Variants in ENTREP3 observed in about 807,000 individuals in gnomAD.
ENTREP3 encodes endosomal transmembrane epsin interactor 3.
chr1:155,251,549 A>G, the ENTREP3 span: 1 of 1,613,978 alleles, frequency 6.2e-7, no homozygotes, highest in South Asian at 1.1e-5. Context: ...GAAGGGGGGC[A>G]ATCGGTAGGG....
chr1:155,250,338 G>A, the ENTREP3 span: 17 of 1,547,472 alleles, frequency 1.1e-5, no homozygotes, highest in East Asian at 4.2e-4. The surrounding 1 kb of genome is among the most constrained non-coding windows in gnomAD (Gnocchi z 5.4). Context: ...CAGCGGTGGT[G>A]GGGATGCCGG....
the ENTREP3 span, chr1:155,251,218 T>G: frequency 7.2e-7 from 1 of 1,389,988 alleles, no homozygotes; most frequent in South Asian, 1.3e-5. Context: ...CACCCCCATG[T>G]GCTAGACAGA....
chr1:155,251,030 C>T, the ENTREP3 span: 1 of 1,490,120 alleles, frequency 6.7e-7, no homozygotes, highest in Admixed American at 1.8e-5. Flanking sequence ...CTTCTATTGT[C>T]TCTACCCACC....
chr1:155,249,155 T>C, the ENTREP3 span, among the ~76,000 whole-genome samples: 4 of 152,130 alleles, frequency 2.6e-5, no homozygotes, highest in Non-Finnish European at 5.9e-5. Flanking sequence ...TGGCATGATC[T>C]TGGCTCACGG....
chr1:155,254,616 G>A, the ENTREP3 span: 15 of 1,588,202 alleles, frequency 9.4e-6, no homozygotes, highest in Non-Finnish European at 1.2e-5. This position sits in a 1 kb window ranked among gnomAD's most constrained non-coding sequence, Gnocchi z 4.4. Context: ...GGGGCCCGAG[G>A]AGCCTCCCCC....
chr1:155,251,633 G>T, the ENTREP3 span: 152 of 1,606,486 alleles, frequency 9.5e-5, 1 homozygote, highest in African/African-American at 1.9e-3. Context: ...CAATGTAGGA[G>T]AAATAATTCC....
At chr1:155,254,248 G>A in the ENTREP3 span, 4 of 1,508,988 alleles carry the variant, frequency 2.7e-6, no homozygotes, top group South Asian at 4.5e-5. The surrounding 1 kb of genome is among the most constrained non-coding windows in gnomAD (Gnocchi z 4.4). Flanking sequence ...GTACTCCTCT[G>A]CCACGGACAG....
At chr1:155,251,212 C>A in the ENTREP3 span, 1 of 1,431,358 alleles carries the variant, frequency 7.0e-7, no homozygotes, top group East Asian at 2.4e-5. Flanking sequence ...ACTGAACACC[C>A]CCATGTGCTA....
chr1:155,252,824 C>CCT, the ENTREP3 span: 1 of 142,196 alleles, frequency 7.0e-6, no homozygotes, highest in African/African-American at 2.7e-5. Context: ...CTCTGTCTCC[C>CCT]CGGTTCAAGC....
chr1:155,252,363 A>AATT, the ENTREP3 span, among the ~76,000 whole-genome samples: 49 of 151,012 alleles, frequency 3.2e-4, no homozygotes, highest in African/African-American at 8.8e-4. Flanking sequence ...ATGCCCAGCT[A>AATT]ATTATTATTA....
chr1:155,254,458 T>A, the ENTREP3 span: 2 of 1,614,138 alleles, frequency 1.2e-6, no homozygotes, highest in Non-Finnish European at 1.7e-6. The surrounding 1 kb of genome is among the most constrained non-coding windows in gnomAD (Gnocchi z 4.4). Context: ...GAACGCCAGC[T>A]GGGGACAGAG....
chr1:155,254,037 C>T, the ENTREP3 span: 2 of 1,613,850 alleles, frequency 1.2e-6, no homozygotes, highest in Non-Finnish European at 1.7e-6. This position sits in a 1 kb window ranked among gnomAD's most constrained non-coding sequence, Gnocchi z 4.4. Flanking sequence ...GTGTCCTGCA[C>T]ACCTCCCCCA....
At chr1:155,250,934 A>G in the ENTREP3 span, 1 of 1,275,840 alleles carries the variant, frequency 7.8e-7, no homozygotes, top group Admixed American at 2.5e-5. The surrounding 1 kb of genome is among the most constrained non-coding windows in gnomAD (Gnocchi z 5.4). Flanking sequence ...CTCCAGCTTT[A>G]TCTCAGAGGA....
the ENTREP3 span, chr1:155,250,531 C>A: frequency 1.3e-6 from 2 of 1,537,876 alleles, no homozygotes; most frequent in Non-Finnish European, 1.7e-6. The surrounding 1 kb of genome is among the most constrained non-coding windows in gnomAD (Gnocchi z 5.4). Context: ...CAGCTGCGGG[C>A]AGCTGTGGGG....
the ENTREP3 span, chr1:155,254,778 G>A: frequency 6.2e-7 from 1 of 1,613,836 alleles, no homozygotes; most frequent in Non-Finnish European, 8.5e-7. This position sits in a 1 kb window ranked among gnomAD's most constrained non-coding sequence, Gnocchi z 4.4. Flanking sequence ...AGCGTAAGCA[G>A]GGCCTGCAGC....
chr1:155,248,551 A>G, the ENTREP3 span: 1 of 1,307,114 alleles, frequency 7.7e-7, no homozygotes, highest in South Asian at 1.2e-5. Context: ...GTGGGAACTC[A>G]AGCCCAGAGG....
the ENTREP3 span, chr1:155,250,808 G>T: frequency 6.2e-7 from 1 of 1,604,466 alleles, no homozygotes; most frequent in Non-Finnish European, 8.5e-7. The surrounding 1 kb of genome is among the most constrained non-coding windows in gnomAD (Gnocchi z 5.4). Context: ...CCAGAGACCC[G>T]CTGTCCATGG....
chr1:155,250,507 C>T, the ENTREP3 span: 1 of 1,506,920 alleles, frequency 6.6e-7, no homozygotes, highest in Non-Finnish European at 8.8e-7. The surrounding 1 kb of genome is among the most constrained non-coding windows in gnomAD (Gnocchi z 5.4). Flanking sequence ...GGCGGCCAGC[C>T]CTCCAACCGG....
the ENTREP3 span, chr1:155,255,133 G>A: frequency 2.7e-5 from 16 of 581,850 alleles, no homozygotes; most frequent in African/African-American, 5.6e-5. This position sits in a 1 kb window ranked among gnomAD's most constrained non-coding sequence, Gnocchi z 5.6. Context: ...GCGACGATGA[G>A]GACGCGGGGG....
Sources: gnomAD v4.1 joint callset for allele counts (sites outside exome capture counted in the v4.1 genomes callset) on GRCh38, gnomAD v4.1.1 for gene constraint, Gnocchi (gnomAD v3.1) non-coding constraint, MANE v1.5 for transcripts, NCBI Gene and HGNC (gene_info 2026-07-23, HGNC 2026-07-21) for gene names.